Variants in SPRY3 observed in about 807,000 individuals in gnomAD.
SPRY3 encodes the protein protein sprouty homolog 3.
Under a neutral mutation model 20.2 loss-of-function variants are expected in SPRY3, and 15 were observed. The observed-to-expected ratio is 0.74, with a 90% CI of 0.50 to 1.14. The LOEUF is 1.14. SPRY3 is among the 50% of genes most tolerant of loss of function. The pLI is 0.00. For missense variants in SPRY3, 364 were observed against 363.9 expected (o/e 1.00, Z 0.00); for synonymous variants, 143 against 136.5 (o/e 1.05, Z -0.33).
At chrX:155,620,196 A>G (rs977646756) in intron 1 of SPRY3, among the ~76,000 whole-genome samples, 62 of 111,556 alleles carry the variant, frequency 5.6e-4, no homozygotes, top group Non-Finnish European at 1.1e-3. Context: ...TCTTAGTTAA[A>G]CACACTTTAG....
intron 2 of SPRY3, among the ~76,000 whole-genome samples, chrX:155,764,413 G>A (rs1382150851): frequency 2.0e-5 from 3 of 152,260 alleles, no homozygotes; most frequent in East Asian, 1.9e-4. Context: ...TCAAATTTCT[G>A]TATATAATTG....
At chrX:155,622,917 T>C (rs1398615228) in intron 1 of SPRY3, among the ~76,000 whole-genome samples, 2 of 112,118 alleles carry the variant, frequency 1.8e-5, no homozygotes, top group Non-Finnish European at 3.8e-5. Flanking sequence ...ATACATATGA[T>C]ATTGCATTTT....
intron 2 of SPRY3, among the ~76,000 whole-genome samples, chrX:155,687,601 C>T (rs929911948): frequency 8.9e-6 from 1 of 112,241 alleles, no homozygotes; most frequent in Non-Finnish European, 1.9e-5. Context: ...GCATTATATC[C>T]ATTTCTTACA....
chrX:155,621,651 C>T (rs933731471), intron 1 of SPRY3, among the ~76,000 whole-genome samples: 2 of 111,826 alleles, frequency 1.8e-5, no homozygotes, highest in African/African-American at 6.5e-5. Flanking sequence ...ATGTCCTCTC[C>T]ACTCTGGTAG....
chrX:155,636,312 G>A (rs1266206788), intron 1 of SPRY3, among the ~76,000 whole-genome samples: 2 of 111,811 alleles, frequency 1.8e-5, no homozygotes, highest in African/African-American at 6.5e-5. Context: ...AATTCTCTGG[G>A]GAACCTCTTT....
At chrX:155,774,132 A>G (rs745434224) in exon 4 of SPRY3, 6 of 1,613,966 alleles carry the variant, frequency 3.7e-6, no homozygotes, top group Non-Finnish European at 5.1e-6. Flanking sequence ...TTGCCAGCTC[A>G]ATGTCCCATA....
At chrX:155,755,753 C>A (rs908772581) in intron 2 of SPRY3, among the ~76,000 whole-genome samples, 6 of 152,074 alleles carry the variant, frequency 3.9e-5, no homozygotes, top group African/African-American at 1.4e-4. Context: ...TGGGCATCTG[C>A]TTTTCCTTGG....
chrX:155,680,145 GGTGTGTGTGT>G (rs774435204), intron 2 of SPRY3, among the ~76,000 whole-genome samples: 31 of 70,403 alleles, frequency 4.4e-4, no homozygotes, highest in Admixed American at 1.0e-3. Flanking sequence ...AAGCAATGCT[GGTGTGTGTGT>G]GTGTGTGTGT....
chrX:155,774,043 A>G (rs1255741334), exon 4 of SPRY3: 1 of 1,613,852 alleles, frequency 6.2e-7, no homozygotes, highest in South Asian at 1.1e-5. Flanking sequence ...TCTGGCTACC[A>G]TGCCTACTTC....
At chrX:155,664,481 T>G (rs1213212275) in intron 2 of SPRY3, among the ~76,000 whole-genome samples, 1 of 109,066 alleles carries the variant, frequency 9.2e-6, no homozygotes, top group African/African-American at 3.3e-5. Context: ...AGCCATAATA[T>G]TTTTAAAAAG....
At chrX:155,636,593 G>A (rs1181019401) in intron 1 of SPRY3, among the ~76,000 whole-genome samples, 3 of 109,936 alleles carry the variant, frequency 2.7e-5, no homozygotes, top group African/African-American at 9.9e-5. Context: ...ATGTATGTAT[G>A]TATGTACGTA....
intron 2 of SPRY3, among the ~76,000 whole-genome samples, chrX:155,699,910 G>C (rs1334782377): frequency 9.2e-6 from 1 of 108,492 alleles, no homozygotes; most frequent in South Asian, 4.0e-4. Context: ...ATTCTGCTTG[G>C]AGATGAATGA....
intron 2 of SPRY3, among the ~76,000 whole-genome samples, chrX:155,706,609 A>G (rs755813296): frequency 1.6e-4 from 12 of 76,298 alleles, no homozygotes; most frequent in Non-Finnish European, 2.9e-4. Context: ...AATGATCAAG[A>G]AAAAAAAAAT....
intron 2 of SPRY3, among the ~76,000 whole-genome samples, chrX:155,666,373 C>A (rs782124885): frequency 1.5e-4 from 17 of 111,159 alleles, no homozygotes; most frequent in Non-Finnish European, 2.8e-4. Context: ...TTTGATGGAG[C>A]CATTTGAGGG....
At chrX:155,629,067 G>A (rs1447016011) in intron 1 of SPRY3, among the ~76,000 whole-genome samples, 1 of 108,998 alleles carries the variant, frequency 9.2e-6, no homozygotes, top group Non-Finnish European at 1.9e-5. Flanking sequence ...TGCACAATGT[G>A]CAGGTTTGTT....
chrX:155,650,140 C>T (rs2067972059), intron 1 of SPRY3, among the ~76,000 whole-genome samples: 1 of 111,696 alleles, frequency 9.0e-6, no homozygotes, highest in African/African-American at 3.3e-5. Flanking sequence ...ACATTCCATG[C>T]TCATGGATAG....
intron 2 of SPRY3, among the ~76,000 whole-genome samples, chrX:155,735,859 C>CT (rs1407033369): frequency 6.6e-6 from 1 of 151,648 alleles, no homozygotes; most frequent in Non-Finnish European, 1.5e-5. Context: ...TAATTGTTCT[C>CT]TTTTTCCACC....
At chrX:155,671,522 C>A (rs1408769228) in intron 2 of SPRY3, among the ~76,000 whole-genome samples, 1 of 111,203 alleles carries the variant, frequency 9.0e-6, no homozygotes. Flanking sequence ...CTATTTCATT[C>A]AAACATTTGT....
At chrX:155,716,362 G>A (rs1298188524) in intron 2 of SPRY3, among the ~76,000 whole-genome samples, 1 of 151,892 alleles carries the variant, frequency 6.6e-6, no homozygotes, top group Non-Finnish European at 1.5e-5. Context: ...TCTATCTGTT[G>A]GATCATTGTC....
Sources: allele counts gnomAD v4.1 joint callset (sites outside exome capture counted in the v4.1 genomes callset), GRCh38; gene constraint gnomAD v4.1.1; transcripts MANE v1.5; gene names NCBI Gene and HGNC (gene_info 2026-07-23, HGNC 2026-07-21).